The following UGT1A4 variants were observed in gnomAD, a reference collection of about 807,000 sequenced individuals.
The protein encoded by UGT1A4 is UDP glucuronosyltransferase family 1 member A4, also known as UDP-glucuronosyltransferase 1A4.
A neutral mutation model predicts 41.1 loss-of-function variants in UGT1A4; 32 were observed. That is an observed-to-expected ratio of 0.78 (90% confidence interval 0.59 to 1.05). UGT1A4 has a LOEUF of 1.05. Ranked by LOEUF, UGT1A4 falls within the 50% of genes least tolerant of loss-of-function variation. The pLI, the probability that UGT1A4 is intolerant of heterozygous loss-of-function variation, is 0.00. For synonymous variants in UGT1A4, 283 were observed against 265.1 expected, an observed-to-expected ratio of 1.07 and a Z score of -0.66; for missense variants, 748 against 677.4, an observed-to-expected ratio of 1.10 and a Z score of -1.16.
chr2:233,735,217 A>G (rs1317592719), intron 1 of UGT1A4, among the ~76,000 whole-genome samples: 1 of 152,114 alleles, frequency 6.6e-6, no homozygotes, highest in African/African-American at 2.4e-5. Context: ...GTGCATATAT[A>G]TTTAGGATAG....
intron 1 of UGT1A4, among the ~76,000 whole-genome samples, chr2:233,728,922 C>T (rs1370421534): frequency 6.9e-6 from 1 of 145,892 alleles, no homozygotes; most frequent in Non-Finnish European, 1.5e-5. Context: ...TCAAGATAGT[C>T]ATGATCGGTC....
At chr2:233,768,188 A>G in intron 3 of UGT1A4, 32 bp from the exon 4 acceptor site, 1 of 1,614,062 alleles carries the variant, frequency 6.2e-7, no homozygotes, top group Non-Finnish European at 8.5e-7. Context: ...CAGAGATGTA[A>G]CTGCTGACAT....
At chr2:233,763,692 T>G (rs28900398) in intron 1 of UGT1A4, among the ~76,000 whole-genome samples, 3,195 of 152,308 alleles carry the variant, frequency 0.021, 100 homozygotes, top group African/African-American at 0.073. Context: ...GATAAAACTT[T>G]TATTGCACAA....
At chr2:233,755,897 A>G (rs577722637) in intron 1 of UGT1A4, 1 of 152,230 alleles carries the variant, frequency 6.6e-6, no homozygotes, top group South Asian at 2.1e-4. Flanking sequence ...TTTTTTTGAG[A>G]CAAAATGTAG....
chr2:233,719,682 T>A lies in UGT1A4; in HGVS notation c.862T>A (p.Ser288Thr). 1 of 1,614,086 alleles carries A rather than the reference T, an allele frequency of 6.2e-7. No individual in the cohort carries two copies. Among genetic ancestry groups the A allele is most frequent in the South Asian group, 1.1e-5 (1 of 91,084 alleles). ...CAACTGTGCCAACGGGAAGCCACTA[T>A]CTCAGGTCTGTATTGGTGCCTTCAT... ...GINCANGKPLSQEFEAYINAS... is the reference protein window; with the variant it reads ...GINCANGKPLTQEFEAYINAS... The change falls in exon 1 of 5, where the codon TCT (serine) becomes ACT (threonine). Residue 288 changes from serine to threonine, a missense_variant. By Grantham distance (58) the Ser-to-Thr change is moderately conservative (BLOSUM62 1). Transcript: ENST00000373409.
At chr2:233,755,133 A>C (rs576279774) in intron 1 of UGT1A4, 1 of 1,319,072 alleles carries the variant, frequency 7.6e-7, no homozygotes, top group Admixed American at 1.9e-5. Flanking sequence ...CACCTGCTTG[A>C]ATCTTCTCAC....
At chr2:233,765,778 A>G (rs1698945501) in intron 1 of UGT1A4, among the ~76,000 whole-genome samples, 2 of 152,070 alleles carry the variant, frequency 1.3e-5, no homozygotes, top group African/African-American at 2.4e-5. Context: ...GATTCATTGG[A>G]CCACTGAAAA....
intron 1 of UGT1A4, chr2:233,743,522 T>C: frequency 7.3e-7 from 1 of 1,367,282 alleles, no homozygotes; most frequent in Non-Finnish European, 9.8e-7. Flanking sequence ...CTGCTTCTGC[T>C]TCCCCAGCAG....
In UGT1A4 at chr2:233,772,133, A is replaced by G. The variant is rs1203476934; in HGVS notation, c.1308-129A>G. ...GTATCTAAAAACAACAACAACAACA[A>G]TAATAGAAACAGGTTTCCTTTCCCA... On this transcript the variant is annotated intron_variant, in intron 4 of 4. Coordinates refer to ENST00000373409, the MANE Select transcript of UGT1A4 (RefSeq NM_007120.3). 1.9e-6 allele frequency: 3 copies of G among 1,545,744 alleles called. No homozygotes were observed. In the East Asian group the frequency reaches 7.3e-5, roughly 38 times the overall value.
At chr2:233,768,980 T>A (rs1699769339) in intron 4 of UGT1A4, among the ~76,000 whole-genome samples, 1 of 152,212 alleles carries the variant, frequency 6.6e-6, no homozygotes, top group Non-Finnish European at 1.5e-5. Flanking sequence ...TTTAGAATTT[T>A]ATTTCCCCCA....
chr2:233,724,349 A>C, intron 1 of UGT1A4, among the ~76,000 whole-genome samples: 2 of 126,484 alleles, frequency 1.6e-5, no homozygotes, highest in Non-Finnish European at 1.7e-5. Flanking sequence ...GACCCCCCCC[A>C]CCTCCCTCCC....
In UGT1A4 at chr2:233,760,262, G is replaced by A. The variant is rs547805333; in HGVS notation, c.868-6772G>A. 2.2e-5 allele frequency: 35 copies of A among 1,611,676 alleles called. No individual in the cohort carries two copies. In the South Asian group the frequency reaches 3.4e-4, roughly 16 times the overall value. ...TATATATATATAAGTAGGAGAGGGC[G>A]AACCTCTGGCAGGAGCAAAGGCGCC... On this transcript the variant is annotated intron_variant, in intron 1 of 4. Transcript: ENST00000373409.
chr2:233,755,009 G>C (rs1198421851), intron 1 of UGT1A4: 1 of 1,292,254 alleles, frequency 7.7e-7, no homozygotes, highest in African/African-American at 1.5e-5. Context: ...AGACCTACTC[G>C]AAGGGGTCCT....
rs147479386 is a variant in UGT1A4 at position 233,767,984 on chromosome 2, G to A, written c.1087+48G>A. The A allele has an allele frequency of 9.4e-4, 1,519 of 1,614,138 alleles. 17 individuals carry two copies. The African/African-American group carries it at 0.018, about 19-fold the overall frequency. On this transcript the variant is annotated intron_variant, in intron 3 of 4. Transcript: ENST00000373409. ...ATAGGTCAAACCAGGGTCAAATTAAGAAAATGGCTTAAGCACAGCTATTCT... is the reference window on the plus strand; with the variant it reads ...ATAGGTCAAACCAGGGTCAAATTAAAAAAATGGCTTAAGCACAGCTATTCT...
At chr2:233,747,282 GC>G in intron 1 of UGT1A4, 1 of 1,600,800 alleles carries the variant, frequency 6.2e-7, no homozygotes, top group Non-Finnish European at 8.5e-7. Context: ...TCAGTGCCCA[GC>G]CCTGGGCTGA....
In UGT1A4 at chr2:233,724,671, T is replaced by C. The variant is rs376440949; in HGVS notation, c.867+4984T>C. On this transcript the variant is annotated intron_variant, in intron 1 of 4. Coordinates refer to ENST00000373409, the MANE Select transcript of UGT1A4 (RefSeq NM_007120.3). ...CTGGGAAGAGGCGCTCCTCACTTCC[T>C]AGATGGGATGGCGGCCGGGTGAAGA... 3.9e-4 allele frequency among the ~76,000 whole-genome samples: 56 copies of C among 142,288 alleles called. 1 individual carries two copies. Among genetic ancestry groups the C allele is most frequent in the Non-Finnish European group, 7.5e-4 (49 of 65,750 alleles). The allele number at this position is 142,288 out of a possible 152,430, so 93.3% of individuals were successfully genotyped here.
chr2:233,739,790 G>A (rs1360143620), intron 1 of UGT1A4, among the ~76,000 whole-genome samples: 4 of 152,122 alleles, frequency 2.6e-5, no homozygotes, highest in Admixed American at 2.6e-4. Context: ...GACTTTGGAG[G>A]ACAGTTGGGA....
chr2:233,755,908 T>G (rs1323849198), intron 1 of UGT1A4: 1 of 151,610 alleles, frequency 6.6e-6, no homozygotes, highest in African/African-American at 2.4e-5. Flanking sequence ...CAAAATGTAG[T>G]GAGAAGAGTG....
intron 1 of UGT1A4, chr2:233,739,012 T>A (rs1690960444): frequency 6.6e-6 from 1 of 152,230 alleles, no homozygotes; most frequent in Admixed American, 6.5e-5. Context: ...TCCCAGTGGC[T>A]CCAGCCATGG....
Sources: allele counts gnomAD v4.1 joint callset (sites outside exome capture counted in the v4.1 genomes callset), GRCh38; gene constraint gnomAD v4.1.1; transcripts MANE v1.5; gene names NCBI Gene and HGNC (gene_info 2026-07-23, HGNC 2026-07-21).